The following SRGAP1 variants were observed in gnomAD, a reference collection of about 807,000 sequenced individuals.
SRGAP1 encodes the protein SLIT-ROBO Rho GTPase activating protein 1.
SRGAP1 carries 43 observed loss-of-function variants against 121.9 expected under a neutral mutation model. The ratio of observed to expected loss-of-function variants is 0.35; its 90% CI spans 0.28 to 0.46. SRGAP1 has a LOEUF of 0.46. Ranked by LOEUF, SRGAP1 falls within the 20% of genes least tolerant of loss-of-function variation. The pLI is 1.00. For missense variants in SRGAP1, 1,102 were observed against 1,350.9 expected (o/e 0.82, Z 2.89); for synonymous variants, 447 against 485.4 (o/e 0.92, Z 1.04).
intron 1 of SRGAP1, among the ~76,000 whole-genome samples, chr12:63,950,825 C>G (rs760417160): frequency 6.6e-6 from 1 of 152,128 alleles, no homozygotes. Context: ...ACCTTTTCTC[C>G]TTACACAGTG....
At chr12:63,849,870 C>T (rs1899018426) in intron 1 of SRGAP1, among the ~76,000 whole-genome samples, 1 of 152,156 alleles carries the variant, frequency 6.6e-6, no homozygotes, top group African/African-American at 2.4e-5. Flanking sequence ...CGATAATTCA[C>T]TTGTAGATTC....
At chr12:64,132,566 T>C (rs1411715275) in intron 21 of SRGAP1, among the ~76,000 whole-genome samples, 1 of 152,220 alleles carries the variant, frequency 6.6e-6, no homozygotes, top group Non-Finnish European at 1.5e-5. Context: ...TCCTTCATCT[T>C]AGAAGGAATA....
intron 1 of SRGAP1, among the ~76,000 whole-genome samples, chr12:63,933,399 T>C (rs776589587): frequency 1.1e-4 from 16 of 151,842 alleles, no homozygotes; most frequent in Non-Finnish European, 2.4e-4. Flanking sequence ...GGTAGGGAAG[T>C]ATAAGGATGG....
At chr12:63,964,816 C>T (rs1175664662) in intron 1 of SRGAP1, among the ~76,000 whole-genome samples, 2 of 152,194 alleles carry the variant, frequency 1.3e-5, no homozygotes, top group Non-Finnish European at 2.9e-5. Flanking sequence ...GCCCAATTCC[C>T]TGTTCACTAT....
intron 12 of SRGAP1, among the ~76,000 whole-genome samples, chr12:64,094,622 T>G (rs1764491693): frequency 6.6e-6 from 1 of 152,204 alleles, no homozygotes; most frequent in African/African-American, 2.4e-5. Flanking sequence ...GATGCTATGA[T>G]TATAATACAC....
intron 1 of SRGAP1, among the ~76,000 whole-genome samples, chr12:63,889,030 C>T (rs1900487353): frequency 6.6e-6 from 1 of 152,156 alleles, no homozygotes; most frequent in Admixed American, 6.5e-5. Flanking sequence ...TGCTGCTTTC[C>T]ACTTCTTGAG....
intron 21 of SRGAP1, among the ~76,000 whole-genome samples, chr12:64,138,785 A>G (rs2036906010): frequency 1.3e-5 from 2 of 152,174 alleles, no homozygotes; most frequent in Non-Finnish European, 1.5e-5. Flanking sequence ...TTTCACCTAC[A>G]TGGTAGAGTT....
intron 3 of SRGAP1, among the ~76,000 whole-genome samples, chr12:63,992,660 TACACACACACACACACACACAC>T (rs59798383): frequency 0.061 from 8,459 of 138,536 alleles, 314 homozygotes; most frequent in Non-Finnish European, 0.08. Flanking sequence ...GCACAGTAAA[TACACACACACACACACACACAC>T]ACACACACAC....
intron 1 of SRGAP1, among the ~76,000 whole-genome samples, chr12:63,957,395 C>T (rs1191569766): frequency 6.6e-6 from 1 of 152,180 alleles, no homozygotes; most frequent in African/African-American, 2.4e-5. Flanking sequence ...TGAACAGGAA[C>T]AAATGCCTGT....
At chr12:63,928,664 G>A (rs1291163989) in intron 1 of SRGAP1, among the ~76,000 whole-genome samples, 2 of 152,082 alleles carry the variant, frequency 1.3e-5, no homozygotes, top group East Asian at 1.9e-4. Flanking sequence ...GGGGGTGGGG[G>A]CGGTGGTGGG....
intron 2 of SRGAP1, among the ~76,000 whole-genome samples, 196 bp downstream of exon 2, chr12:63,984,338 C>G (rs12318085): frequency 0.023 from 3,543 of 152,164 alleles, 130 homozygotes; most frequent in African/African-American, 0.076. Flanking sequence ...TCTGTTGACA[C>G]TTTTGTCTTT....
At chr12:64,056,872 A>G (rs967962785) in intron 6 of SRGAP1, among the ~76,000 whole-genome samples, 1 of 152,148 alleles carries the variant, frequency 6.6e-6, no homozygotes, top group Non-Finnish European at 1.5e-5. Context: ...GTTGCACTTC[A>G]GCTGCCCTAT....
chr12:64,069,091 A>G (rs915619816), intron 8 of SRGAP1, among the ~76,000 whole-genome samples: 1 of 152,048 alleles, frequency 6.6e-6, no homozygotes, highest in Non-Finnish European at 1.5e-5. Context: ...AAAAATTAGA[A>G]GAACTGATCA....
chr12:64,086,873 GC>G lies in SRGAP1; in HGVS notation c.1409-124del, dbSNP rs1351913614. 8 of 662,374 alleles carry G rather than the reference GC, an allele frequency of 1.2e-5. No individual in the cohort carries two copies. The African/African-American group carries it at 1.3e-4, about 11-fold the overall frequency. The allele number at this position is 662,374 out of a possible 1,614,324, so 41.0% of individuals were successfully genotyped here. A position where few individuals can be genotyped will look rare whatever the true frequency, so the allele number is the denominator to read the frequency against. ...TTCATATGCTATCCTCATGTTTTCT[GC>G]CATAAAAACGTGTAAGTTATTACAA... On this transcript the variant is annotated intron_variant, in intron 10 of 21. Transcript: ENST00000355086.
intron 1 of SRGAP1, among the ~76,000 whole-genome samples, chr12:63,915,383 A>G (rs2030726695): frequency 6.6e-6 from 1 of 152,214 alleles, no homozygotes; most frequent in African/African-American, 2.4e-5. Flanking sequence ...TTTCTAATGG[A>G]CTGCCAAATG....
At chr12:63,886,493 TA>T (rs1232306327) in intron 1 of SRGAP1, among the ~76,000 whole-genome samples, 1 of 149,380 alleles carries the variant, frequency 6.7e-6, no homozygotes, top group East Asian at 1.9e-4. Flanking sequence ...TATTTATTTT[TA>T]TTTTTTTAAG....
intron 15 of SRGAP1, 142 bp from the exon 16 acceptor site, chr12:64,108,790 G>A (rs966322463): frequency 6.5e-6 from 3 of 459,316 alleles, no homozygotes; most frequent in Middle Eastern, 4.2e-4. Flanking sequence ...TCATTTATTC[G>A]CTGTTTTGGT....
intron 1 of SRGAP1, among the ~76,000 whole-genome samples, chr12:63,926,035 C>T (rs762070578): frequency 2.6e-5 from 4 of 152,168 alleles, no homozygotes; most frequent in Non-Finnish European, 5.9e-5. Flanking sequence ...TGCCCAGTTT[C>T]AAGAGGATTT....
chr12:63,865,142 T>C (rs549362840), intron 1 of SRGAP1, among the ~76,000 whole-genome samples: 1 of 152,096 alleles, frequency 6.6e-6, no homozygotes, highest in Non-Finnish European at 1.5e-5. Flanking sequence ...TTTTTGCCAA[T>C]GAAAAATAAG....
Sources: allele counts gnomAD v4.1 joint callset (sites outside exome capture counted in the v4.1 genomes callset), GRCh38; gene constraint gnomAD v4.1.1; transcripts MANE v1.5; gene names NCBI Gene and HGNC (gene_info 2026-07-23, HGNC 2026-07-21).